Variants in CABLES1 observed in about 807,000 individuals in gnomAD.
CABLES1 encodes CDK5 and ABL1 enzyme substrate 1.
A neutral mutation model predicts 57.8 loss-of-function variants in CABLES1; 36 were observed. That is an observed-to-expected ratio of 0.62 (90% CI 0.48 to 0.82). The LOEUF is 0.82. CABLES1 is among the 40% of genes least tolerant of loss of function. The probability of loss-of-function intolerance (pLI) is 0.00; values close to 1 mark genes in which losing one functional copy is unlikely to be tolerated. For missense variants in CABLES1, 767 were observed against 836.6 expected (o/e 0.92, Z 1.03); for synonymous variants, 374 against 363.0 (o/e 1.03, Z -0.35).
chr18:23,234,758 G>A, intron 5 of CABLES1, 54 bp downstream of exon 5: 1 of 1,425,958 alleles, frequency 7.0e-7, no homozygotes, highest in East Asian at 2.4e-5. Flanking sequence ...CAAGGGTCAG[G>A]AAGCAGAGGA....
chr18:23,163,320 G>A (rs2047017861), intron 1 of CABLES1, among the ~76,000 whole-genome samples: 1 of 152,128 alleles, frequency 6.6e-6, no homozygotes, highest in Non-Finnish European at 1.5e-5. Context: ...AGAGCAAGGC[G>A]GATTGGAAAA....
At chr18:23,168,594 T>A (rs2047059744) in intron 1 of CABLES1, among the ~76,000 whole-genome samples, 1 of 152,212 alleles carries the variant, frequency 6.6e-6, no homozygotes. Context: ...TGTATACTCT[T>A]AAAATGGTAG....
At chr18:23,232,392 G>A (rs1333621238) in intron 4 of CABLES1, among the ~76,000 whole-genome samples, 1 of 152,222 alleles carries the variant, frequency 6.6e-6, no homozygotes, top group Non-Finnish European at 1.5e-5. Context: ...AGACACTGCT[G>A]TTTTTGTCCT....
At chr18:23,138,566 G>C (rs910276250) in intron 1 of CABLES1, among the ~76,000 whole-genome samples, 1 of 152,242 alleles carries the variant, frequency 6.6e-6, no homozygotes, top group Non-Finnish European at 1.5e-5. Context: ...TAGCTTAGCT[G>C]TGGAGAGGCT....
chr18:23,222,540 C>A (rs60450078), intron 4 of CABLES1, among the ~76,000 whole-genome samples: 7,719 of 148,114 alleles, frequency 0.052, 610 homozygotes, highest in Admixed American at 0.22. Context: ...CTGTCTCTCT[C>A]TCTATATATA....
At chr18:23,169,312 TTAA>T (rs2047066330) in intron 1 of CABLES1, among the ~76,000 whole-genome samples, 2 of 152,308 alleles carry the variant, frequency 1.3e-5, no homozygotes, top group African/African-American at 4.8e-5. Context: ...CTTTACTTTC[TTAA>T]TAAACTTGTT....
At chr18:23,160,558 G>T (rs1439440787) in intron 1 of CABLES1, among the ~76,000 whole-genome samples, 2 of 152,184 alleles carry the variant, frequency 1.3e-5, no homozygotes, top group Admixed American at 1.3e-4. Flanking sequence ...GTTGTTTGAG[G>T]TTATTACAGC....
chr18:23,145,318 G>C (rs555576222), intron 1 of CABLES1, among the ~76,000 whole-genome samples: 22 of 151,300 alleles, frequency 1.5e-4, no homozygotes, highest in African/African-American at 5.1e-4. Context: ...TGATCTGCCT[G>C]TCTTGACCTT....
chr18:23,148,029 G>T (rs1470510313), intron 1 of CABLES1, among the ~76,000 whole-genome samples: 3 of 108,824 alleles, frequency 2.8e-5, no homozygotes, highest in Non-Finnish European at 5.1e-5. Flanking sequence ...TCGCTTTGTT[G>T]CCCAGGCTGG....
chr18:23,195,832 G>A (rs897098766), intron 3 of CABLES1, among the ~76,000 whole-genome samples: 1 of 152,004 alleles, frequency 6.6e-6, no homozygotes, highest in African/African-American at 2.4e-5. Context: ...TTTCTTTTGA[G>A]GCTTTTACTT....
intron 1 of CABLES1, among the ~76,000 whole-genome samples, chr18:23,168,485 C>T (rs2047059096): frequency 6.6e-6 from 1 of 152,132 alleles, no homozygotes; most frequent in Non-Finnish European, 1.5e-5. Flanking sequence ...GAGTATTCTT[C>T]ACTAGGTGCA....
At chr18:23,240,391 AATG>A (rs2047706208) in intron 7 of CABLES1, among the ~76,000 whole-genome samples, 1 of 152,182 alleles carries the variant, frequency 6.6e-6, no homozygotes, top group Non-Finnish European at 1.5e-5. Flanking sequence ...AGAGCCCACA[AATG>A]ATGATGCCGA....
intron 1 of CABLES1, among the ~76,000 whole-genome samples, chr18:23,164,083 C>T (rs934517015): frequency 1.3e-5 from 2 of 152,156 alleles, no homozygotes; most frequent in East Asian, 1.9e-4. Flanking sequence ...ACTCTGTGGC[C>T]ACAGTGGTGA....
chr18:23,197,834 G>A (rs1181282904), intron 3 of CABLES1: 1 of 152,220 alleles, frequency 6.6e-6, no homozygotes, highest in African/African-American at 2.4e-5. Context: ...GTCGCAGAAA[G>A]TTTAGACTAA....
At chr18:23,184,377 A>G (rs1307983734) in intron 1 of CABLES1, among the ~76,000 whole-genome samples, 4 of 151,844 alleles carry the variant, frequency 2.6e-5, no homozygotes, top group Non-Finnish European at 5.9e-5. Context: ...ATAATGAAGT[A>G]CCAAAGACTG....
chr18:23,207,329 G>A (rs186019992), intron 3 of CABLES1, among the ~76,000 whole-genome samples: 14 of 152,280 alleles, frequency 9.2e-5, no homozygotes, highest in Admixed American at 5.9e-4. Flanking sequence ...GTGGAGGTCC[G>A]TGAACATTTA....
intron 3 of CABLES1, among the ~76,000 whole-genome samples, chr18:23,208,446 G>A (rs868064545): frequency 3.7e-4 from 56 of 152,368 alleles, no homozygotes; most frequent in African/African-American, 1.3e-3. Context: ...AAGGGGTCAA[G>A]TCCCCTTCTT....
intron 1 of CABLES1, among the ~76,000 whole-genome samples, chr18:23,152,404 A>G (rs547067983): frequency 2.8e-4 from 43 of 151,884 alleles, no homozygotes; most frequent in African/African-American, 9.7e-4. Context: ...ATATTTACGT[A>G]TGGAGATTTT....
At chr18:23,175,609 A>G (rs1182230514) in intron 1 of CABLES1, among the ~76,000 whole-genome samples, 1 of 152,052 alleles carries the variant, frequency 6.6e-6, no homozygotes, top group African/African-American at 2.4e-5. Context: ...CACCACACCA[A>G]GCTAATTTTC....
Sources: allele counts gnomAD v4.1 joint callset (sites outside exome capture counted in the v4.1 genomes callset), GRCh38; gene constraint gnomAD v4.1.1; transcripts MANE v1.5; gene names NCBI Gene and HGNC (gene_info 2026-07-23, HGNC 2026-07-21).